DENND2A: variants seen among roughly 807,000 people sequenced by gnomAD.
DENND2A encodes DENN domain containing 2A.
In DENND2A, 53 loss-of-function variants were observed where a neutral mutation model predicts 105.3. The observed-to-expected ratio is 0.50, with a 90% CI of 0.40 to 0.63. The LOEUF is 0.63. Among genes scored for constraint, DENND2A ranks in the 30% least tolerant of loss-of-function variants. DENND2A has a pLI of 0.00. For synonymous variants in DENND2A, 522 were observed against 508.4 expected (o/e 1.03, Z -0.36); for missense variants, 1,138 against 1,279.6 (o/e 0.89, Z 1.69).
In DENND2A at chr7:140,521,908, T is replaced by C. The variant is rs1795873542; in HGVS notation, c.2858A>G (p.Gln953Arg). The change falls in exon 18 of 20, where the codon CAG (glutamine) becomes CGG (arginine). Residue 953 changes from glutamine (Q) to arginine (R), a missense_variant. Around this residue, in one of 2 missense-constraint regions of DENND2A, gnomAD observed 627 missense variants for 779.8 expected, o/e 0.80. Transcript: ENST00000496613. ...CTCCTGGATGAAGCCCCGAAACATC[T>C]GAGTCTCCATGAAGACCTCCAGGAA... ...RHFLEVFMET[Q>R]MFRGFIQERE... 1.2e-6 allele frequency: 2 copies of C among 1,614,036 alleles called. No individual in the cohort carries two copies. Among genetic ancestry groups the C allele is most frequent in the South Asian group, 2.2e-5 (2 of 91,092 alleles).
chr7:140,637,086 G>C (rs919487925), intron 1 of DENND2A, among the ~76,000 whole-genome samples: 1 of 150,636 alleles, frequency 6.6e-6, no homozygotes, highest in Admixed American at 6.7e-5. Flanking sequence ...CTGATCTCAA[G>C]TGATCTGCCT....
In DENND2A at chr7:140,527,848, T is replaced by G. The variant is rs1585555296; in HGVS notation, c.2328-353A>C. Among the ~76,000 whole-genome samples, 1 of 152,150 alleles carries G rather than the reference T, an allele frequency of 6.6e-6. No homozygotes were observed. Among genetic ancestry groups the G allele is most frequent in the African/African-American group, 2.4e-5 (1 of 41,444 alleles). ...TATTTATTTATTTATATTTTTAATT[T>G]TTTTGAGACGGAGTCTCACTCTGTT... is the stretch of plus-strand genomic sequence containing the variant. On this transcript the variant is annotated intron_variant, in intron 14 of 19. Coordinates refer to ENST00000496613, the MANE Select transcript of DENND2A (RefSeq NM_015689.5). This position sits in a 1 kb window ranked among gnomAD's most constrained non-coding sequence, Gnocchi z 4.9.
At chr7:140,587,810 A>C in intron 3 of DENND2A, 30 bp from the exon 4 acceptor site, 1 of 1,522,170 alleles carries the variant, frequency 6.6e-7, no homozygotes, top group Non-Finnish European at 8.8e-7. Flanking sequence ...AGGAAAAAAC[A>C]AAGAATTTGA....
At position 140,556,278 on chromosome 7, in the gene DENND2A, A is replaced by C. The variant is rs180838841; in HGVS notation, c.1960-565T>G. On this transcript the variant is annotated intron_variant, in intron 11 of 19. Coordinates refer to ENST00000496613, the MANE Select transcript of DENND2A (RefSeq NM_015689.5). ...TGATCTGCCTGCCTCCTCCTCCCAA[A>C]GTGCTGGGATTACAGGTGAGAGCCA... Among the ~76,000 whole-genome samples, 565 of 152,074 alleles carry C rather than the reference A, an allele frequency of 3.7e-3. 3 individuals are homozygous for C. The highest frequency in any genetic ancestry group is 0.013 in the African/African-American group (537 of 41,476).
Position 140,522,090 on chromosome 7 carries a change from G to A in DENND2A, c.2676C>T (p.Ser892=). The A allele has an allele frequency of 6.2e-7, 1 of 1,614,110 alleles. No individual in the cohort carries two copies. Among genetic ancestry groups the A allele is most frequent in the Non-Finnish European group, 8.5e-7 (1 of 1,180,014 alleles). ...GPLDGRHGPE[S]SPLNEVVSEA... ...CAGACACCACCTCGTTCAAGGGGCT[G>A]GACTCTGGACCTGAGTAAGGGGAGG... Residue 892 remains serine (S), a synonymous_variant, in exon 18 of 20, where the codon TCC becomes TCT. Coordinates refer to ENST00000496613, the MANE Select transcript of DENND2A (RefSeq NM_015689.5).
intron 1 of DENND2A, among the ~76,000 whole-genome samples, chr7:140,624,635 G>A (rs1800439318): frequency 6.6e-6 from 1 of 152,084 alleles, no homozygotes; most frequent in Admixed American, 6.5e-5. Context: ...AGGTTTCCAT[G>A]GAGAAGCTGT....
chr7:140,536,573 AT>A lies in DENND2A; in HGVS notation c.2327+8044del, dbSNP rs368469269. ...CATTTGTGGCTATGCCAAACTCTAA[AT>A]CTTGCTCTAATTGGTATCTTGTTGG... On this transcript the variant is annotated intron_variant, in intron 14 of 19. Coordinates refer to ENST00000496613, the MANE Select transcript of DENND2A (RefSeq NM_015689.5). 1.1e-4 allele frequency among the ~76,000 whole-genome samples: 17 copies of A among 152,284 alleles called. No individual in the cohort carries two copies. The East Asian group carries it at 1.5e-3, about 14-fold the overall frequency.
intron 5 of DENND2A, among the ~76,000 whole-genome samples, chr7:140,577,059 G>C (rs772398170): frequency 2.0e-5 from 3 of 152,188 alleles, no homozygotes; most frequent in Non-Finnish European, 4.4e-5. Flanking sequence ...TCTCTGAGTG[G>C]TCACCCTGCT....
chr7:140,587,675 C>T lies in DENND2A; in HGVS notation c.1101G>A (p.Glu367=). Residue 367 remains glutamate, a synonymous_variant, in exon 4 of 20, where the codon GAG becomes GAA. Coordinates refer to ENST00000496613, the MANE Select transcript of DENND2A (RefSeq NM_015689.5). The part of the protein sequence containing the change: ...KLGLTRTLSE[E]NVYEDILDPP... ...TACCTAGAATGTCTTCATAGACGTTCTCCTCCGATAAAGTGCGTGTCAGCC... is the reference window on the plus strand; with the variant it reads ...TACCTAGAATGTCTTCATAGACGTTTTCCTCCGATAAAGTGCGTGTCAGCC... 6.2e-7 allele frequency: 1 copy of T among 1,614,038 alleles called. No individual in the cohort carries two copies. Among genetic ancestry groups the T allele is most frequent in the African/African-American group, 1.3e-5 (1 of 75,034 alleles).
chr7:140,607,641 C>T (rs987367115), intron 1 of DENND2A, among the ~76,000 whole-genome samples: 1 of 152,208 alleles, frequency 6.6e-6, no homozygotes, highest in African/African-American at 2.4e-5. Flanking sequence ...CATTTTCCCT[C>T]TCACAAAGCT....
Position 140,587,730 on chromosome 7 carries a change from C to T in DENND2A, c.1046G>A (p.Arg349Lys), listed in dbSNP as rs537684680. Residue 349 changes from arginine to lysine, a missense_variant, in exon 4 of 20, where the codon AGG (arginine) becomes AAG (lysine). Physicochemically the swap from Arg to Lys is conservative, Grantham distance 26 (BLOSUM62 2). Coordinates refer to ENST00000496613, the MANE Select transcript of DENND2A (RefSeq NM_015689.5). ...CTTAGTCTGCGCGTACCAGTCCACC[C>T]TGCTGCTCTCAGAGGAAGACTGCAG... ...DLLQSSSESS[R>K]VDWYAQTKLG... The T allele has an allele frequency of 2.5e-6, 4 of 1,611,180 alleles. No homozygotes were observed. The African/African-American group carries it at 4.0e-5, about 16-fold the overall frequency.
intron 14 of DENND2A, among the ~76,000 whole-genome samples, chr7:140,529,709 C>T (rs1796189861): frequency 1.3e-5 from 2 of 151,840 alleles, no homozygotes; most frequent in African/African-American, 4.8e-5. Context: ...AACCAAACAC[C>T]ACATGTTCTC....
chr7:140,585,646 C>T lies in DENND2A; in HGVS notation c.1188G>A (p.Lys396=). The T allele has an allele frequency of 6.2e-7, 1 of 1,614,194 alleles. No individual in the cohort carries two copies. The part of the protein sequence containing the change: ...IELHGRCLGK[K]CVLNFPASPT... ...GAGAAGCAGGAAAATTCAAGACACA[C>T]TTCTTTCCCAGGCAGCGACCATGTA... The change falls in exon 5 of 20, where the codon AAG becomes AAA. Residue 396 remains lysine (K), a synonymous_variant. Coordinates refer to ENST00000496613, the MANE Select transcript of DENND2A (RefSeq NM_015689.5).
intron 1 of DENND2A, among the ~76,000 whole-genome samples, chr7:140,629,503 A>T (rs940413900): frequency 5.3e-5 from 8 of 152,210 alleles, no homozygotes; most frequent in South Asian, 4.1e-4. Flanking sequence ...GCCAGGGAGA[A>T]GACGGACCCG....
intron 19 of DENND2A, 107 bp downstream of exon 19, chr7:140,519,525 G>T: frequency 2.2e-6 from 2 of 922,904 alleles, no homozygotes; most frequent in Non-Finnish European, 3.5e-6. Context: ...AGGCCGTAGA[G>T]CTCTGCATTA....
rs756299746 is a variant in DENND2A at position 140,569,690 on chromosome 7, G to A, written c.1495C>T (p.Arg499Trp). The change falls in exon 7 of 20, where the codon CGG (arginine) becomes TGG (tryptophan). Residue 499 changes from arginine (R) to tryptophan (W), a missense_variant. By Grantham distance (101) the Arg-to-Trp change is moderately radical (BLOSUM62 -3). Around this residue, in one of 2 missense-constraint regions of DENND2A, gnomAD observed 627 missense variants for 779.8 expected, o/e 0.80. Transcript: ENST00000496613. The part of the protein sequence containing the change: ...AIYEVRRGKK[R>W]VKRLSQSMES... The stretch of plus-strand genomic sequence containing the variant: ...ATTGACTGGGACAGCCTCTTCACCC[G>A]TTTCTTTCCTCTCCGGACCTCATAA... The A allele has an allele frequency of 8.1e-6, 13 of 1,613,862 alleles. No individual in the cohort carries two copies. In the East Asian group the frequency reaches 8.9e-5, roughly 11 times the overall value.
intron 13 of DENND2A, among the ~76,000 whole-genome samples, chr7:140,545,843 C>T (rs1796875933): frequency 6.6e-6 from 1 of 152,210 alleles, no homozygotes; most frequent in African/African-American, 2.4e-5. Context: ...GAGGCTTCCT[C>T]TCCAGTAACC....
chr7:140,534,081 ATTTTT>A (rs3042407), intron 14 of DENND2A, among the ~76,000 whole-genome samples: 1,695 of 80,094 alleles, frequency 0.021, 83 homozygotes, highest in African/African-American at 0.082. Flanking sequence ...TGCCTGGTTA[ATTTTT>A]TTTTTTTTTT....
At chr7:140,588,266 T>C (rs1488102803) in intron 3 of DENND2A, among the ~76,000 whole-genome samples, 1 of 152,176 alleles carries the variant, frequency 6.6e-6, no homozygotes. Flanking sequence ...GGCTTTTATG[T>C]GCAAGAATGT....
Sources: gnomAD v4.1 joint callset for allele counts (sites outside exome capture counted in the v4.1 genomes callset) on GRCh38, gnomAD v4.1.1 for gene constraint, gnomAD v4.1.1 regional missense constraint, Gnocchi (gnomAD v3.1) non-coding constraint, MANE v1.5 for transcripts, NCBI Gene and HGNC (gene_info 2026-07-23, HGNC 2026-07-21) for gene names.